TFDP2: variants seen among roughly 807,000 people sequenced by gnomAD.
TFDP2 encodes transcription factor Dp-2.
In TFDP2, 17 loss-of-function variants were observed where a neutral mutation model predicts 59.3. That is an observed-to-expected ratio of 0.29 (90% CI 0.20 to 0.43). TFDP2 has a LOEUF of 0.43. Ranked by LOEUF, TFDP2 falls within the 20% of genes least tolerant of loss-of-function variation. The probability of loss-of-function intolerance (pLI) is 1.00; values close to 1 mark genes in which losing one functional copy is unlikely to be tolerated. For synonymous variants in TFDP2, 180 were observed against 194.7 expected (o/e 0.92, Z 0.63); for missense variants, 391 against 528.8 (o/e 0.74, Z 2.56).
At chr3:141,975,820 T>C (rs763506254) in intron 7 of TFDP2, among the ~76,000 whole-genome samples, 2 of 152,156 alleles carry the variant, frequency 1.3e-5, no homozygotes, top group African/African-American at 4.8e-5. Flanking sequence ...GATATGGATG[T>C]TGTTCAAAGC....
At chr3:141,980,905 T>A (rs1268863330) in intron 6 of TFDP2, among the ~76,000 whole-genome samples, 2 of 152,200 alleles carry the variant, frequency 1.3e-5, no homozygotes, top group African/African-American at 4.8e-5. Context: ...AAAAAGTTTA[T>A]AAAGTAAAAA....
At chr3:142,050,419 G>A (rs1332408356) in intron 3 of TFDP2, among the ~76,000 whole-genome samples, 1 of 152,108 alleles carries the variant, frequency 6.6e-6, no homozygotes, top group Non-Finnish European at 1.5e-5. Context: ...CCAGTGGCGG[G>A]ACACGGTGGC....
At chr3:141,980,366 C>T (rs907925606) in intron 6 of TFDP2, among the ~76,000 whole-genome samples, 4 of 151,364 alleles carry the variant, frequency 2.6e-5, no homozygotes, top group Non-Finnish European at 5.9e-5. Context: ...TTGGGGTATC[C>T]GTCATCTCAA....
At chr3:142,065,913 CA>C (rs1328378324) in intron 3 of TFDP2, among the ~76,000 whole-genome samples, 1 of 151,362 alleles carries the variant, frequency 6.6e-6, no homozygotes, top group East Asian at 1.9e-4. Flanking sequence ...AAGTAAAATC[CA>C]AAAAAGTAAT....
chr3:142,086,950 C>A (rs73233852), intron 3 of TFDP2, among the ~76,000 whole-genome samples: 11 of 152,084 alleles, frequency 7.2e-5, no homozygotes, highest in Non-Finnish European at 1.5e-4. Context: ...GATGCTCCTA[C>A]CACTCAGGAA....
chr3:141,999,533 C>T (rs1327275842), intron 4 of TFDP2, among the ~76,000 whole-genome samples: 1 of 152,118 alleles, frequency 6.6e-6, no homozygotes, highest in Non-Finnish European at 1.5e-5. Flanking sequence ...AACCATAAGA[C>T]AGCCTGTAAG....
rs1171258024 is a variant in TFDP2 at position 141,968,363 on chromosome 3, C to G, written c.732+1710G>C. Among the ~76,000 whole-genome samples, 5 of 84,228 alleles carry G rather than the reference C, an allele frequency of 5.9e-5. 1 individual carries two copies. The South Asian group carries it at 1.6e-3, about 26-fold the overall frequency. The allele number at this position is 84,228 out of a possible 152,430, so 55.3% of individuals were successfully genotyped here. Reference sequence around the variant, plus strand: ...ATATATAACTATATATAACATATATCTCATATATAACATATATCTCATATA... The same window carrying G: ...ATATATAACTATATATAACATATATGTCATATATAACATATATCTCATATA... On this transcript the variant is annotated intron_variant, in intron 9 of 12. Coordinates refer to ENST00000489671, the MANE Select transcript of TFDP2 (RefSeq NM_001178139.2).
chr3:142,105,474 T>C (rs1421449728), intron 1 of TFDP2, among the ~76,000 whole-genome samples: 1 of 152,162 alleles, frequency 6.6e-6, no homozygotes, highest in Admixed American at 6.5e-5. Context: ...CCCTTTGTGT[T>C]TTTTTGTGCC....
chr3:142,075,034 T>A (rs2060393990), intron 3 of TFDP2, among the ~76,000 whole-genome samples: 1 of 152,090 alleles, frequency 6.6e-6, no homozygotes. Context: ...TAATGTTGGA[T>A]TCTCACGTTA....
rs538819583 is a variant in TFDP2 at position 142,135,857 on chromosome 3, A to G, written c.-93+13326T>C. 4.6e-5 allele frequency among the ~76,000 whole-genome samples: 7 copies of G among 152,230 alleles called. No individual in the cohort carries two copies. The South Asian group carries it at 1.5e-3, about 32-fold the overall frequency. On this transcript the variant is annotated intron_variant, in intron 1 of 12. Coordinates refer to ENST00000489671, the MANE Select transcript of TFDP2 (RefSeq NM_001178139.2). Reference sequence around the variant, plus strand: ...CTTTGCTATTGTGAATAGTGCTGCAATAAACACACATGTGCATGTGTCTTT... The same window carrying G: ...CTTTGCTATTGTGAATAGTGCTGCAGTAAACACACATGTGCATGTGTCTTT...
intron 10 of TFDP2, among the ~76,000 whole-genome samples, chr3:141,962,907 G>C (rs1460077891): frequency 6.6e-6 from 1 of 152,084 alleles, no homozygotes; most frequent in African/African-American, 2.4e-5. Context: ...ATCCCTATTT[G>C]AACAATAAAC....
chr3:142,054,889 A>T (rs2059685411), intron 3 of TFDP2, among the ~76,000 whole-genome samples: 1 of 152,234 alleles, frequency 6.6e-6, no homozygotes, highest in Non-Finnish European at 1.5e-5. Flanking sequence ...ATTCTAATGC[A>T]TGTAAGACTA....
intron 3 of TFDP2, among the ~76,000 whole-genome samples, chr3:142,075,625 G>T (rs1008243932): frequency 1.3e-5 from 2 of 151,194 alleles, no homozygotes; most frequent in African/African-American, 4.9e-5. Flanking sequence ...GCCACACATG[G>T]TGTCTCATGA....
intron 1 of TFDP2, among the ~76,000 whole-genome samples, chr3:142,105,959 T>C (rs2061456898): frequency 1.5e-5 from 1 of 65,402 alleles, no homozygotes. Context: ...GCATTCAATG[T>C]TAGAGGGGGG....
rs2061214293 is a variant in TFDP2, at chr3:142,097,981, TG to T, written c.15+3753del. Among the ~76,000 whole-genome samples, 3 of 152,146 alleles carry T rather than the reference TG, an allele frequency of 2.0e-5. No individual in the cohort carries two copies. The South Asian group carries it at 6.2e-4, about 32-fold the overall frequency. On this transcript the variant is annotated intron_variant, in intron 2 of 12. Transcript: ENST00000489671. The stretch of plus-strand genomic sequence containing the variant: ...CTAATTTTTGTATTTTTAGTAGAGA[TG>T]GGGTTTTACCATGTTGGCCAGGCTG...
intron 1 of TFDP2, among the ~76,000 whole-genome samples, chr3:142,126,575 A>G (rs1210545422): frequency 6.6e-6 from 1 of 152,160 alleles, no homozygotes; most frequent in Non-Finnish European, 1.5e-5. Flanking sequence ...TTACATGAAA[A>G]TAACATAATT....
intron 1 of TFDP2, among the ~76,000 whole-genome samples, chr3:142,138,007 A>C (rs2062799959): frequency 6.6e-6 from 1 of 152,056 alleles, no homozygotes; most frequent in Non-Finnish European, 1.5e-5. Context: ...CTGGTCCTGG[A>C]ATTTTTTTGG....
At chr3:142,117,115 T>C (rs2061876243) in intron 1 of TFDP2, among the ~76,000 whole-genome samples, 1 of 152,078 alleles carries the variant, frequency 6.6e-6, no homozygotes, top group Admixed American at 6.6e-5. Flanking sequence ...GAGACGAGGT[T>C]GCACCATGTT....
intron 3 of TFDP2, among the ~76,000 whole-genome samples, chr3:142,046,323 A>T (rs1158373014): frequency 6.6e-6 from 1 of 152,166 alleles, no homozygotes; most frequent in Non-Finnish European, 1.5e-5. Context: ...TAAATATCTG[A>T]AATTTTCCAT....
Sources: gnomAD v4.1 joint callset for allele counts (sites outside exome capture counted in the v4.1 genomes callset) on GRCh38, gnomAD v4.1.1 for gene constraint, MANE v1.5 for transcripts, NCBI Gene and HGNC (gene_info 2026-07-23, HGNC 2026-07-21) for gene names.